ZNF277: variants seen among roughly 807,000 people sequenced by gnomAD.
The protein encoded by ZNF277 is zinc finger protein 277.
A neutral mutation model predicts 60.7 loss-of-function variants in ZNF277; 55 were observed. The observed-to-expected ratio is 0.91, with a 90% CI of 0.73 to 1.13. The LOEUF (loss-of-function observed/expected upper bound fraction) is 1.13. Ranked by LOEUF, ZNF277 falls within the 50% of genes most tolerant of loss-of-function variation. ZNF277 has a pLI of 0.00. For missense variants in ZNF277, 510 were observed against 523.0 expected (o/e 0.98, Z 0.24); for synonymous variants, 178 against 179.3 (o/e 0.99, Z 0.06).
chr7:112,253,651 A>G (rs1022175396), intron 1 of ZNF277, among the ~76,000 whole-genome samples: 1 of 152,126 alleles, frequency 6.6e-6, no homozygotes, highest in African/African-American at 2.4e-5. Context: ...CAGGGCCATC[A>G]TGCCTTATTG....
chr7:112,281,090 CA>C (rs1428317612), intron 1 of ZNF277, among the ~76,000 whole-genome samples: 1 of 152,176 alleles, frequency 6.6e-6, no homozygotes, highest in Non-Finnish European at 1.5e-5. Flanking sequence ...AGCCTTGCCG[CA>C]AGGCCATGTC....
chr7:112,338,390 C>G (rs2117143256), intron 9 of ZNF277, among the ~76,000 whole-genome samples: 1 of 152,214 alleles, frequency 6.6e-6, no homozygotes, highest in African/African-American at 2.4e-5. Flanking sequence ...TGAGAGAGGA[C>G]ACACACCCTG....
At chr7:112,295,147 G>T (rs1792295912) in intron 2 of ZNF277, among the ~76,000 whole-genome samples, 1 of 152,042 alleles carries the variant, frequency 6.6e-6, no homozygotes, top group East Asian at 1.9e-4. Context: ...AAATGAGATT[G>T]CAGTTGCCAA....
chr7:112,334,261 A>G (rs1376698129), intron 7 of ZNF277, among the ~76,000 whole-genome samples: 1 of 152,070 alleles, frequency 6.6e-6, no homozygotes, highest in African/African-American at 2.4e-5. Context: ...CTCATTATTC[A>G]TGAGCCATCT....
At chr7:112,326,373 C>A (rs971165525) in intron 5 of ZNF277, among the ~76,000 whole-genome samples, 1 of 151,804 alleles carries the variant, frequency 6.6e-6, no homozygotes, top group African/African-American at 2.4e-5. Context: ...CCTTCCCCCA[C>A]CCCAAAACAC....
rs530943840 is a variant in ZNF277 at position 112,300,756 on chromosome 7, A to G, written c.465+4445A>G. 3.3e-5 allele frequency among the ~76,000 whole-genome samples: 5 copies of G among 152,184 alleles called. No individual in the cohort carries two copies. In the South Asian group the frequency reaches 1.0e-3, roughly 32 times the overall value. ...AGAACTTATTTTTTTCCTCCCCCAA[A>G]ACTTGCTATTTGCCTGTTCTCCTTT... On this transcript the variant is annotated intron_variant, in intron 4 of 11. Coordinates refer to ENST00000361822, the MANE Select transcript of ZNF277 (RefSeq NM_021994.3).
chr7:112,339,257 G>A (rs981304588), intron 9 of ZNF277, among the ~76,000 whole-genome samples: 1 of 152,092 alleles, frequency 6.6e-6, no homozygotes, highest in African/African-American at 2.4e-5. Context: ...TTTTTAGAAG[G>A]CTACAAAATG....
chr7:112,235,057 C>T (rs1283931234), intron 1 of ZNF277, among the ~76,000 whole-genome samples: 2 of 151,822 alleles, frequency 1.3e-5, no homozygotes, highest in Non-Finnish European at 2.9e-5. Context: ...TTATTTTATT[C>T]TTTTTGCAAA....
At chr7:112,244,336 A>G (rs945086285) in intron 1 of ZNF277, among the ~76,000 whole-genome samples, 1 of 152,176 alleles carries the variant, frequency 6.6e-6, no homozygotes, top group African/African-American at 2.4e-5. Context: ...TGTACTTCCT[A>G]TGACAGTGAC....
chr7:112,318,477 G>A (rs965084878), intron 5 of ZNF277, among the ~76,000 whole-genome samples: 1 of 152,066 alleles, frequency 6.6e-6, no homozygotes, highest in Non-Finnish European at 1.5e-5. Context: ...TTCTTAAAAT[G>A]ACAGAAGCAG....
At chr7:112,261,535 T>A (rs1192722464) in intron 1 of ZNF277, among the ~76,000 whole-genome samples, 1 of 152,138 alleles carries the variant, frequency 6.6e-6, no homozygotes, top group Non-Finnish European at 1.5e-5. Context: ...ATGATAACTC[T>A]GGAATTGATG....
rs1362334994 is a variant in ZNF277 at position 112,343,269 on chromosome 7, C to T, written c.*540C>T. On this transcript the variant is annotated 3_prime_UTR_variant, in exon 12 of 12. Transcript: ENST00000361822. ...ATGCAAATTGGCCATTATATTAGAA[C>T]AATCAAGAGCTGACTGTGTTATTAC... Among the ~76,000 whole-genome samples the T allele has an allele frequency of 6.6e-6, 1 of 152,184 alleles. No homozygotes were observed. The highest frequency in any genetic ancestry group is 1.5e-5 in the Non-Finnish European group (1 of 68,030).
chr7:112,316,268 G>T (rs942968783), intron 4 of ZNF277, among the ~76,000 whole-genome samples: 5 of 152,028 alleles, frequency 3.3e-5, no homozygotes, highest in African/African-American at 4.8e-5. Flanking sequence ...TGGAAAAATT[G>T]TCTTTTAAGA....
chr7:112,247,055 C>A (rs1791102204), intron 1 of ZNF277, among the ~76,000 whole-genome samples: 1 of 152,150 alleles, frequency 6.6e-6, no homozygotes, highest in Non-Finnish European at 1.5e-5. Flanking sequence ...GTAACCCATA[C>A]CCTATAGTTT....
intron 11 of ZNF277, among the ~76,000 whole-genome samples, chr7:112,341,411 T>C (rs1793442502): frequency 6.6e-6 from 1 of 152,204 alleles, no homozygotes. Flanking sequence ...ATCCATTGTA[T>C]GGATATAATC....
chr7:112,210,156 A>T (rs1821698678), intron 1 of ZNF277, among the ~76,000 whole-genome samples: 1 of 152,168 alleles, frequency 6.6e-6, no homozygotes, highest in Non-Finnish European at 1.5e-5. Context: ...TAAAAATAAA[A>T]TTTTTAAAAA....
At chr7:112,210,490 G>C (rs952237351) in intron 1 of ZNF277, among the ~76,000 whole-genome samples, 1 of 84,654 alleles carries the variant, frequency 1.2e-5, no homozygotes, top group Non-Finnish European at 2.5e-5. Flanking sequence ...TTTTTTTTTT[G>C]AGACAGAGTC....
In ZNF277 at chr7:112,282,915, T is replaced by C. The variant is rs369246404; in HGVS notation, c.92-3958T>C. Among the ~76,000 whole-genome samples the C allele has an allele frequency of 2.6e-5, 4 of 152,158 alleles. No individual in the cohort carries two copies. In the East Asian group the frequency reaches 5.8e-4, roughly 22 times the overall value. The stretch of plus-strand genomic sequence containing the variant: ...AGAGATGGAAGTGGAATCTCCTTCA[T>C]AGGGTTATTGTGAGGGTTAATTGAG... On this transcript the variant is annotated intron_variant, in intron 1 of 11. Coordinates refer to ENST00000361822, the MANE Select transcript of ZNF277 (RefSeq NM_021994.3).
intron 4 of ZNF277, among the ~76,000 whole-genome samples, chr7:112,307,615 A>C: frequency 6.6e-6 from 1 of 151,832 alleles, no homozygotes; most frequent in Admixed American, 6.6e-5. Context: ...GGGTTTCACC[A>C]TGTTGGCCAG....
Sources: gnomAD v4.1 joint callset for allele counts (sites outside exome capture counted in the v4.1 genomes callset) on GRCh38, gnomAD v4.1.1 for gene constraint, MANE v1.5 for transcripts, NCBI Gene and HGNC (gene_info 2026-07-23, HGNC 2026-07-21) for gene names.